The following TM9SF4 variants were observed in gnomAD, a reference collection of about 807,000 sequenced individuals.
TM9SF4 encodes transmembrane 9 superfamily member 4, also known as dinucleotide oxidase disulfide thiol exchanger 3 superfamily member 4.
A neutral mutation model predicts 90.4 loss-of-function variants in TM9SF4; 26 were observed. The observed-to-expected ratio is 0.29, with a 90% CI of 0.21 to 0.40. The LOEUF (loss-of-function observed/expected upper bound fraction) is 0.40. TM9SF4 is among the 10% of genes least tolerant of loss of function. The pLI is 1.00. For synonymous variants in TM9SF4, 293 were observed against 315.4 expected, an observed-to-expected ratio of 0.93 and a Z score of 0.75; for missense variants, 549 against 834.8, an observed-to-expected ratio of 0.66 and a Z score of 4.22.
chr20:32,123,866 A>ATATATATATTTTTTTTTTCT, intron 1 of TM9SF4, among the ~76,000 whole-genome samples: 1 of 93,980 alleles, frequency 1.1e-5, no homozygotes, highest in East Asian at 7.3e-4. Flanking sequence ...ATATATATAT[A>ATATATATATTTTTTTTTTCT]TTTTTTTTTT....
intron 1 of TM9SF4, among the ~76,000 whole-genome samples, chr20:32,123,866 A>ATATATATATATATATATATATTTTTT: frequency 5.3e-5 from 5 of 93,976 alleles, no homozygotes; most frequent in African/African-American, 2.3e-4. Context: ...ATATATATAT[A>ATATATATATATATATATATATTTTTT]TTTTTTTTTT....
At chr20:32,156,052 A>T (rs1216307538) in intron 13 of TM9SF4, among the ~76,000 whole-genome samples, 1 of 152,228 alleles carries the variant, frequency 6.6e-6, no homozygotes, top group Non-Finnish European at 1.5e-5. Flanking sequence ...GAAGAAATTT[A>T]AAATAACCCC....
chr20:32,111,954 T>A (rs1392235377), intron 1 of TM9SF4, among the ~76,000 whole-genome samples: 2 of 152,220 alleles, frequency 1.3e-5, no homozygotes, highest in Non-Finnish European at 2.9e-5. Context: ...GACTGCGGTC[T>A]ACATTTTGTT....
intron 1 of TM9SF4, among the ~76,000 whole-genome samples, chr20:32,122,950 C>T (rs1212770993): frequency 7.2e-5 from 11 of 151,728 alleles, no homozygotes; most frequent in African/African-American, 1.7e-4. Flanking sequence ...GTAGATCACT[C>T]GCGGTTAGGA....
chr20:32,160,357 A>C (rs1352440660), intron 16 of TM9SF4, among the ~76,000 whole-genome samples: 1 of 152,194 alleles, frequency 6.6e-6, no homozygotes, highest in Non-Finnish European at 1.5e-5. Flanking sequence ...ATGAAAGGAC[A>C]GTAGATTTGC....
At chr20:32,142,952 T>C in intron 5 of TM9SF4, 30 bp from the exon 6 acceptor site, 1 of 1,610,726 alleles carries the variant, frequency 6.2e-7, no homozygotes, top group Non-Finnish European at 8.5e-7. Context: ...AGTGATGTTC[T>C]GTTGTGCTTT....
chr20:32,160,135 C>G, intron 16 of TM9SF4, 24 bp downstream of exon 16: 1 of 1,613,590 alleles, frequency 6.2e-7, no homozygotes, highest in South Asian at 1.1e-5. Flanking sequence ...GGCCAGGAGG[C>G]GGGGGAGGGA....
chr20:32,160,444 C>G (rs2046998491), intron 16 of TM9SF4, among the ~76,000 whole-genome samples: 1 of 152,208 alleles, frequency 6.6e-6, no homozygotes, highest in South Asian at 2.1e-4. Context: ...CCTCTGGGAA[C>G]TGGCCATTGG....
chr20:32,165,071 C>T (rs1312974194), intron 17 of TM9SF4, among the ~76,000 whole-genome samples: 6 of 152,152 alleles, frequency 3.9e-5, no homozygotes, highest in Non-Finnish European at 8.8e-5. Context: ...GCATTCTGGG[C>T]CTGGCCCCTG....
At chr20:32,118,477 G>C (rs894287024) in intron 1 of TM9SF4, among the ~76,000 whole-genome samples, 1 of 145,168 alleles carries the variant, frequency 6.9e-6, no homozygotes, top group African/African-American at 2.5e-5. Context: ...CACCCAGGTT[G>C]GAGTGCAGTG....
intron 1 of TM9SF4, among the ~76,000 whole-genome samples, chr20:32,119,077 C>T (rs928923630): frequency 3.3e-5 from 5 of 152,092 alleles, no homozygotes; most frequent in Admixed American, 2.0e-4. Flanking sequence ...ATGGATCAGG[C>T]GCAGTGGCTC....
intron 10 of TM9SF4, 132 bp from the exon 11 acceptor site, chr20:32,150,490 G>C: frequency 2.0e-6 from 2 of 981,850 alleles, no homozygotes; most frequent in South Asian, 1.5e-5. Context: ...AGACAAGGGA[G>C]GGGGAGCCTC....
At chr20:32,155,312 C>T (rs907937630) in intron 13 of TM9SF4, 126 bp downstream of exon 13, 27 of 849,866 alleles carry the variant, frequency 3.2e-5, no homozygotes, top group Non-Finnish European at 5.2e-5. Context: ...GTTACGTTCC[C>T]AGCCATGAGG....
In TM9SF4 at chr20:32,157,878, T is replaced by C; in HGVS notation, c.1414T>C (p.Phe472Leu). 6.2e-7 allele frequency: 1 copy of C among 1,614,112 alleles called. No individual in the cohort carries two copies. The highest frequency in any genetic ancestry group is 8.5e-7 in the Non-Finnish European group (1 of 1,180,010). ...PLVYLGYYFG[F>L]RKQPYDNPVR... is the part of the protein sequence containing the mutation. ...CGTCTACTTGGGCTACTACTTCGGC[T>C]TCCGAAAGCAGCCATATGACAACCC... The change falls in exon 14 of 18, where the codon TTC becomes CTC. Residue 472 changes from phenylalanine (F) to leucine (L), a missense_variant. This residue lies in a region of TM9SF4 where 495 missense variants were observed against 711.7 expected (regional missense o/e 0.70). Coordinates refer to ENST00000398022, the MANE Select transcript of TM9SF4 (RefSeq NM_014742.4).
At chr20:32,135,463 T>TA (rs1402380042) in intron 2 of TM9SF4, among the ~76,000 whole-genome samples, 1 of 152,150 alleles carries the variant, frequency 6.6e-6, no homozygotes, top group Non-Finnish European at 1.5e-5. Flanking sequence ...ACTGATTTTT[T>TA]AAAAAACAGG....
At chr20:32,124,563 A>C (rs552143259) in intron 1 of TM9SF4, among the ~76,000 whole-genome samples, 3 of 150,934 alleles carry the variant, frequency 2.0e-5, no homozygotes, top group African/African-American at 7.3e-5. Flanking sequence ...CCCCTGGATT[A>C]TATGACCTCT....
chr20:32,140,460 C>T (rs1046075829), intron 3 of TM9SF4, among the ~76,000 whole-genome samples: 4 of 152,196 alleles, frequency 2.6e-5, no homozygotes, highest in Non-Finnish European at 1.5e-5. Context: ...TTAACAGTAA[C>T]GAGCTCATAG....
chr20:32,152,028 A>AT lies in TM9SF4; in HGVS notation c.1245+1168dup, dbSNP rs764612840. On this transcript the variant is annotated intron_variant, in intron 12 of 17. Coordinates refer to ENST00000398022, the MANE Select transcript of TM9SF4 (RefSeq NM_014742.4). ...AGGTGCCCACCACCACACCTGGCTA[A>AT]TTTTTTTTTTTTTTTGTATTTTTAG... Among the ~76,000 whole-genome samples, 1,008 of 139,522 alleles carry AT rather than the reference A, an allele frequency of 7.2e-3. 14 individuals carry two copies. The highest frequency in any genetic ancestry group is 0.02 in the African/African-American group (764 of 38,156). The allele number at this position is 139,522 out of a possible 152,430, so 91.5% of individuals were successfully genotyped here.
intron 1 of TM9SF4, among the ~76,000 whole-genome samples, chr20:32,121,744 G>T (rs1214977858): frequency 6.6e-6 from 1 of 151,586 alleles, no homozygotes; most frequent in African/African-American, 2.4e-5. Flanking sequence ...GGTGGTGGCC[G>T]GGCAGAGGGG....
Sources: gnomAD v4.1 joint callset for allele counts (sites outside exome capture counted in the v4.1 genomes callset) on GRCh38, gnomAD v4.1.1 for gene constraint, gnomAD v4.1.1 regional missense constraint, MANE v1.5 for transcripts, NCBI Gene and HGNC (gene_info 2026-07-23, HGNC 2026-07-21) for gene names.